Variants in AP3D1 observed in about 807,000 individuals in gnomAD.
The protein encoded by AP3D1 is adaptor related protein complex 3 subunit delta 1, also known as AP-3 complex subunit delta-1.
AP3D1 carries 51 observed loss-of-function variants against 147.6 expected under a neutral mutation model. The observed-to-expected ratio is 0.35, with a 90% confidence interval of 0.28 to 0.44. AP3D1 has a LOEUF of 0.44. Ranked by LOEUF, AP3D1 falls within the 20% of genes least tolerant of loss-of-function variation. AP3D1 has a pLI of 1.00. For synonymous variants in AP3D1, 760 were observed against 663.0 expected (o/e 1.15, Z -2.25); for missense variants, 1,421 against 1,624.2 (o/e 0.87, Z 2.15).
Position 2,111,352 on chromosome 19 carries a change from A to G in AP3D1, c.2938-20T>C, listed in dbSNP as rs765974120. ...CTCAGGCTGGAAATAGAAAAGGCGC[A>G]TCAGCCTTGGGGGCCCCGAGCTCCG... On this transcript the variant is annotated intron_variant, in intron 25 of 31. Transcript: ENST00000643116. The G allele has an allele frequency of 1.2e-6, 2 of 1,613,696 alleles. No homozygotes were observed. Among genetic ancestry groups the G allele is most frequent in the African/African-American group, 2.7e-5 (2 of 74,944 alleles).
At chr19:2,134,350 G>A (rs919276131) in intron 4 of AP3D1, among the ~76,000 whole-genome samples, 3 of 152,012 alleles carry the variant, frequency 2.0e-5, no homozygotes, top group African/African-American at 7.2e-5. Context: ...GAGCCTAGGA[G>A]GTCGAGGCTG....
At chr19:2,137,880 G>T (rs554505369) in intron 2 of AP3D1, 73 bp from the exon 3 acceptor site, 1 of 1,402,348 alleles carries the variant, frequency 7.1e-7, no homozygotes, top group East Asian at 2.3e-5. Flanking sequence ...GCGGCATCAA[G>T]CGCTCCCTCC....
At chr19:2,138,346 C>T (rs776803606) in intron 2 of AP3D1, among the ~76,000 whole-genome samples, 3 of 152,202 alleles carry the variant, frequency 2.0e-5, no homozygotes, top group African/African-American at 7.2e-5. Context: ...AGGCGAGGGG[C>T]GTCCCCAGTG....
At position 2,113,043 on chromosome 19, in the gene AP3D1, T is replaced by G. The variant is rs1055466286; in HGVS notation, c.2680-76A>C. ...TCCACTGCACCCCAGACAGCCTCCA[T>G]GCCACACACCCTCAGCTTGCCCTCA... On this transcript the variant is annotated intron_variant, in intron 23 of 31. Coordinates refer to ENST00000643116, the MANE Select transcript of AP3D1 (RefSeq NM_001261826.3). The G allele has an allele frequency of 1.4e-4, 145 of 1,068,420 alleles. 1 individual carries two copies. In the East Asian group the frequency reaches 1.5e-3, roughly 11 times the overall value. The allele number at this position is 1,068,420 out of a possible 1,614,324, so 66.2% of individuals were successfully genotyped here. A position where few individuals can be genotyped will look rare whatever the true frequency, so the allele number is the denominator to read the frequency against.
intron 17 of AP3D1, 121 bp from the exon 18 acceptor site, chr19:2,116,399 T>G (rs1293916868): frequency 7.0e-6 from 9 of 1,278,190 alleles, no homozygotes; most frequent in Non-Finnish European, 9.6e-6. Flanking sequence ...CTACTGAGCT[T>G]TCACTAACAG....
At chr19:2,128,468 C>A (rs1362321397) in intron 8 of AP3D1, among the ~76,000 whole-genome samples, 8,847 of 75,268 alleles carry the variant, frequency 0.12, 380 homozygotes, top group South Asian at 0.15. Flanking sequence ...AGCCGGCCCG[C>A]CCCCGCCGCT....
chr19:2,131,459 G>T (rs2007865), intron 5 of AP3D1, among the ~76,000 whole-genome samples: 11,742 of 67,518 alleles, frequency 0.17, 412 homozygotes, highest in Non-Finnish European at 0.22. Flanking sequence ...GAGGGGACAG[G>T]GCCCATCGGC....
chr19:2,116,626 C>T lies in AP3D1; in HGVS notation c.1980G>A (p.Ala660=), dbSNP rs371826693. 47 of 1,598,488 alleles carry T rather than the reference C, an allele frequency of 2.9e-5. 1 individual carries two copies. In the South Asian group the frequency reaches 3.4e-4, roughly 11 times the overall value. ...TCACCCGAGCCAGCTCTTCCTCGTCCGCCTCCGACGGCCGGTGCTTGGGAC... is the reference window on the plus strand; with the variant it reads ...TCACCCGAGCCAGCTCTTCCTCGTCTGCCTCCGACGGCCGGTGCTTGGGAC... ...QRRPKHRPSE[A]DEEELARRRE... The change falls in exon 17 of 32, where the codon GCG becomes GCA. Residue 660 remains alanine, a synonymous_variant. Coordinates refer to ENST00000643116, the MANE Select transcript of AP3D1 (RefSeq NM_001261826.3).
intron 7 of AP3D1, 26 bp downstream of exon 7, chr19:2,129,292 A>G (rs369430796): frequency 6.2e-7 from 1 of 1,613,068 alleles, no homozygotes; most frequent in Admixed American, 1.7e-5. Flanking sequence ...CAGGGTGAGG[A>G]GGCCACATTC....
chr19:2,112,047 A>G, intron 24 of AP3D1: 1 of 669,228 alleles, frequency 1.5e-6, no homozygotes, highest in East Asian at 2.8e-5. Flanking sequence ...CAAGCGCCAA[A>G]GCAGCCCGGG....
intron 21 of AP3D1, 147 bp downstream of exon 21, chr19:2,114,601 T>G (rs1269558752): frequency 2.8e-6 from 2 of 717,064 alleles, no homozygotes; most frequent in East Asian, 5.2e-5. Flanking sequence ...AGCAGTGCAG[T>G]GAGGACGTGG....
At chr19:2,160,952 C>T (rs2019691883) in intron 1 of AP3D1, among the ~76,000 whole-genome samples, 1 of 152,024 alleles carries the variant, frequency 6.6e-6, no homozygotes, top group Non-Finnish European at 1.5e-5. Context: ...TGCAGAATCA[C>T]CCCTGGTTGA....
rs1157285668 is a variant in AP3D1 at position 2,114,140 on chromosome 19, C to T, written c.2586G>A (p.Lys862=). Reference sequence around the variant, plus strand: ...CTAGCCTTACCTTCTTCTCCTTCTCCTTCTTCTTCTCCTTGTCTCTCTCTT... The same window carrying T: ...CTAGCCTTACCTTCTTCTCCTTCTCTTTCTTCTTCTCCTTGTCTCTCTCTT... The part of the protein sequence containing the change: ...KEKERDKEKK[K]EKEKKAEDLD... Residue 862 remains lysine (K), a synonymous_variant, in exon 22 of 32, where the codon AAG becomes AAA. Transcript: ENST00000643116. 5 of 1,559,498 alleles carry T rather than the reference C, an allele frequency of 3.2e-6. No individual in the cohort carries two copies. Among genetic ancestry groups the T allele is most frequent in the Admixed American group, 2.0e-5 (1 of 51,116 alleles).
intron 20 of AP3D1, 144 bp downstream of exon 20, chr19:2,115,075 G>A: frequency 1.1e-6 from 1 of 906,672 alleles, no homozygotes; most frequent in Non-Finnish European, 1.7e-6. Flanking sequence ...AGGACAGAGA[G>A]GCCTCTCCTC....
intron 17 of AP3D1, 27 bp from the exon 18 acceptor site, chr19:2,116,305 C>T (rs751991865): frequency 5.6e-6 from 9 of 1,608,992 alleles, no homozygotes; most frequent in East Asian, 2.2e-5. Context: ...GGCATGAGCC[C>T]GAGAGAAGCG....
chr19:2,123,895 T>C lies in AP3D1; in HGVS notation c.857-16A>G. The C allele has an allele frequency of 6.4e-7, 1 of 1,568,800 alleles. No individual in the cohort carries two copies. ...GAGATGAGCACTGCAACAGACAGCT[T>C]GGTCAGCACCACGGTCAGCACCATG... is the stretch of plus-strand genomic sequence containing the variant. On this transcript the variant is annotated splice_polypyrimidine_tract_variant and intron_variant, in intron 9 of 31. Transcript: ENST00000643116.
At chr19:2,114,350 C>T (rs770131200) in intron 21 of AP3D1, 48 bp from the exon 22 acceptor site, 11 of 1,500,574 alleles carry the variant, frequency 7.3e-6, no homozygotes, top group Non-Finnish European at 8.3e-6. Context: ...TGGCCACCCC[C>T]CAGGACCACT....
intron 31 of AP3D1, among the ~76,000 whole-genome samples, chr19:2,104,138 A>C (rs890625894): frequency 1.5e-4 from 22 of 150,236 alleles, no homozygotes; most frequent in African/African-American, 5.4e-4. Context: ...TCAGACCCCA[A>C]CGCCAAGACA....
upstream of AP3D1, among the ~76,000 whole-genome samples, chr19:2,155,618 C>T (rs929074976): frequency 2.6e-5 from 4 of 151,666 alleles, no homozygotes; most frequent in African/African-American, 9.7e-5. Flanking sequence ...TTTTCCAACA[C>T]ACTGTGTTTT....
Sources: allele counts gnomAD v4.1 joint callset (sites outside exome capture counted in the v4.1 genomes callset), GRCh38; gene constraint gnomAD v4.1.1; transcripts MANE v1.5; gene names NCBI Gene and HGNC (gene_info 2026-07-23, HGNC 2026-07-21).